The following SART3 variants were observed in gnomAD, a reference collection of about 807,000 sequenced individuals.
SART3 encodes the protein HIV-1 Tat-interacting protein of 110kDa.
A neutral mutation model predicts 122.3 loss-of-function variants in SART3; 44 were observed. That is an observed-to-expected ratio of 0.36 (90% CI 0.28 to 0.46). SART3 has a LOEUF of 0.46. SART3 is among the 20% of genes least tolerant of loss of function. SART3 has a pLI of 1.00. For missense variants in SART3, 1,101 were observed against 1,229.0 expected (o/e 0.90, Z 1.56); for synonymous variants, 442 against 454.0 (o/e 0.97, Z 0.34).
chr12:108,538,747 C>T (rs1392901077), intron 7 of SART3, among the ~76,000 whole-genome samples, 187 bp downstream of exon 7: 1 of 152,176 alleles, frequency 6.6e-6, no homozygotes, highest in Non-Finnish European at 1.5e-5. Flanking sequence ...ATTTTACTTA[C>T]AGTTAGTGAC....
At chr12:108,537,746 G>C in intron 8 of SART3, 151 bp from the exon 9 acceptor site, 1 of 740,844 alleles carries the variant, frequency 1.3e-6, no homozygotes, top group Non-Finnish European at 2.4e-6. Context: ...GTTGAAGACA[G>C]AAGTTGCTAC....
At chr12:108,538,340 A>C in intron 7 of SART3, 137 bp from the exon 8 acceptor site, 1 of 1,017,234 alleles carries the variant, frequency 9.8e-7, no homozygotes, top group Non-Finnish European at 1.5e-6. Context: ...CTCAACAACA[A>C]CAAAAAAATC....
intron 11 of SART3, 77 bp downstream of exon 11, chr12:108,536,437 T>C: frequency 7.0e-7 from 1 of 1,418,666 alleles, no homozygotes. Context: ...GGATTCTGAC[T>C]CAATTTTAAT....
chr12:108,529,705 A>G (rs1593234525), intron 15 of SART3, among the ~76,000 whole-genome samples: 1 of 152,168 alleles, frequency 6.6e-6, no homozygotes, highest in Non-Finnish European at 1.5e-5. Context: ...CCCGAGATGC[A>G]TGAGTGGAAT....
At chr12:108,552,175 G>A (rs2030034471) in intron 1 of SART3, among the ~76,000 whole-genome samples, 1 of 152,052 alleles carries the variant, frequency 6.6e-6, no homozygotes, top group Non-Finnish European at 1.5e-5. Flanking sequence ...AGCATGTTAG[G>A]AATAGAGGGA....
At chr12:108,558,657 C>A (rs1242317380) in intron 1 of SART3, among the ~76,000 whole-genome samples, 3 of 152,206 alleles carry the variant, frequency 2.0e-5, no homozygotes, top group Admixed American at 6.5e-5. Flanking sequence ...TCAACAAGGG[C>A]AGGGACACAG....
rs1276614591 is a variant in SART3 at position 108,522,794 on chromosome 12, GGTCACTA to G, written c.*656_*662del. On this transcript the variant is annotated 3_prime_UTR_variant, in exon 19 of 19. Coordinates refer to ENST00000546815, the MANE Select transcript of SART3 (RefSeq NM_014706.4). Reference sequence around the variant, plus strand: ...CTGAAACTCATGTTTAGACAACACAGGTCACTAGTCACTAGGCAAAGAAAACAGTCCA... The same window carrying G: ...CTGAAACTCATGTTTAGACAACACAGGTCACTAGGCAAAGAAAACAGTCCA... 1 of 154,110 alleles carries G rather than the reference GGTCACTA, an allele frequency of 6.5e-6. No individual in the cohort carries two copies. The highest frequency in any genetic ancestry group is 2.4e-5 in the African/African-American group (1 of 41,444). The allele number at this position is 154,110 out of a possible 1,614,324, so 9.5% of individuals were successfully genotyped here.
chr12:108,526,675 C>A (rs1872400746), intron 15 of SART3, 122 bp from the exon 16 acceptor site: 1 of 1,046,674 alleles, frequency 9.6e-7, no homozygotes, highest in Admixed American at 1.9e-5. Context: ...CCTCACCAGA[C>A]TCGGAGGGGC....
chr12:108,559,601 G>A (rs1047351273), intron 1 of SART3, among the ~76,000 whole-genome samples: 3 of 148,320 alleles, frequency 2.0e-5, no homozygotes, highest in Non-Finnish European at 4.4e-5. Context: ...GGCGGCAGAG[G>A]TTGCAGTGAC....
chr12:108,535,249 A>T (rs1021183401), intron 12 of SART3, 110 bp downstream of exon 12: 25 of 838,270 alleles, frequency 3.0e-5, no homozygotes, highest in Non-Finnish European at 4.8e-5. Flanking sequence ...GAATGAAAGA[A>T]AACAGCCCAG....
At chr12:108,531,982 C>G (rs887598865) in intron 13 of SART3, 22 of 496,502 alleles carry the variant, frequency 4.4e-5, no homozygotes, top group East Asian at 7.8e-5. Context: ...CAGTCCCCCC[C>G]ACAGAGAATT....
chr12:108,522,712 G>C lies in SART3; in HGVS notation c.*745C>G, dbSNP rs1332560708. The C allele has an allele frequency of 6.6e-6, 1 of 152,472 alleles. No individual in the cohort carries two copies. Among genetic ancestry groups the C allele is most frequent in the African/African-American group, 2.4e-5 (1 of 41,450 alleles). 9.4% of individuals were successfully genotyped at this position (152,472 alleles called of 1,614,324 possible). On this transcript the variant is annotated 3_prime_UTR_variant, in exon 19 of 19. Coordinates refer to ENST00000546815, the MANE Select transcript of SART3 (RefSeq NM_014706.4). The stretch of plus-strand genomic sequence containing the variant: ...TTGAAGAGAACGTCAGTTTAATAAA[G>C]CTAAATGGGGAGAATTGAAGTTTGC...
At chr12:108,548,880 A>C (rs955423209) in intron 2 of SART3, among the ~76,000 whole-genome samples, 7 of 152,274 alleles carry the variant, frequency 4.6e-5, no homozygotes, top group Non-Finnish European at 8.8e-5. Flanking sequence ...TAAAGAAATC[A>C]GAATTCAAAA....
chr12:108,537,940 T>C, intron 8 of SART3, 125 bp downstream of exon 8: 2 of 1,249,138 alleles, frequency 1.6e-6, no homozygotes, highest in Non-Finnish European at 2.3e-6. Context: ...CAGAGCCCTT[T>C]TTGTCACTAC....
intron 9 of SART3, chr12:108,537,015 G>A (rs937327179): frequency 3.7e-6 from 2 of 544,078 alleles, no homozygotes; most frequent in South Asian, 2.0e-5. Flanking sequence ...GGGTGCTGTG[G>A]GGGGGAGTCT....
chr12:108,537,213 G>C, intron 9 of SART3: 1 of 454,668 alleles, frequency 2.2e-6, no homozygotes, highest in Non-Finnish European at 4.0e-6. Context: ...ATTTCAAGAA[G>C]TATTTAGGAT....
At position 108,536,772 on chromosome 12, in the gene SART3, C is replaced by G; in HGVS notation, c.1323G>C (p.Glu441Asp). 6.2e-7 allele frequency: 1 copy of G among 1,613,814 alleles called. No homozygotes were observed. Among genetic ancestry groups the G allele is most frequent in the Non-Finnish European group, 8.5e-7 (1 of 1,179,802 alleles). Residue 441 changes from glutamate to aspartate, a missense_variant, in exon 10 of 19, where the codon GAG becomes GAC. By Grantham distance (45) the Glu-to-Asp change is conservative (BLOSUM62 2). Around this residue, in one of 2 missense-constraint regions of SART3, gnomAD observed 885 missense variants for 1,080.1 expected, o/e 0.82. Coordinates refer to ENST00000546815, the MANE Select transcript of SART3 (RefSeq NM_014706.4). ...RVDFKQDSSK[E>D]LEELRAAFTR... Reference sequence around the variant, plus strand: ...TAAAGGCGGCCCTCAACTCCTCCAGCTCTTTACTGGAGTCTAACGGAAAGT... The same window carrying G: ...TAAAGGCGGCCCTCAACTCCTCCAGGTCTTTACTGGAGTCTAACGGAAAGT...
chr12:108,547,330 C>A (rs1873472047), intron 3 of SART3, among the ~76,000 whole-genome samples: 1 of 151,202 alleles, frequency 6.6e-6, no homozygotes, highest in Non-Finnish European at 1.5e-5. Flanking sequence ...AGCTCTGTAT[C>A]TGGACTGCAG....
At chr12:108,558,078 A>G (rs538335657) in intron 1 of SART3, among the ~76,000 whole-genome samples, 1 of 152,226 alleles carries the variant, frequency 6.6e-6, no homozygotes, top group East Asian at 1.9e-4. Flanking sequence ...ATGAGCTGGG[A>G]GGATCACTTG....
Sources: allele counts gnomAD v4.1 joint callset (sites outside exome capture counted in the v4.1 genomes callset), GRCh38; gene constraint gnomAD v4.1.1; regional missense constraint gnomAD v4.1.1; transcripts MANE v1.5; gene names NCBI Gene and HGNC (gene_info 2026-07-23, HGNC 2026-07-21).